Variants in CREB5 observed in about 807,000 individuals in gnomAD.
The protein encoded by CREB5 is cyclic AMP-responsive element-binding protein 5.
A neutral mutation model predicts 57.1 loss-of-function variants in CREB5; 19 were observed. That is an observed-to-expected ratio of 0.33 (90% CI 0.23 to 0.49). The LOEUF is 0.49. Ranked by LOEUF, CREB5 falls within the 20% of genes least tolerant of loss-of-function variation. The pLI is 0.99. For missense variants in CREB5, 579 were observed against 671.6 expected, an observed-to-expected ratio of 0.86 and a Z score of 1.52; for synonymous variants, 238 against 238.3, an observed-to-expected ratio of 1.00 and a Z score of 0.01.
chr7:28,813,648 G>A (rs1268773445), intron 9 of CREB5, among the ~76,000 whole-genome samples: 2 of 152,156 alleles, frequency 1.3e-5, no homozygotes, highest in East Asian at 3.8e-4. Flanking sequence ...AAAAAGCATT[G>A]TGGATTTATC....
chr7:28,332,121 G>C (rs1358119184), intron 1 of CREB5, among the ~76,000 whole-genome samples: 2 of 152,150 alleles, frequency 1.3e-5, no homozygotes, highest in African/African-American at 2.4e-5. Flanking sequence ...AGAGGAGAAG[G>C]CTACATGAAG....
At chr7:28,443,668 G>A (rs1215215079) in intron 1 of CREB5, among the ~76,000 whole-genome samples, 1 of 152,080 alleles carries the variant, frequency 6.6e-6, no homozygotes, top group Non-Finnish European at 1.5e-5. Flanking sequence ...TTGGAGGAGG[G>A]GGAGTCAACA....
intron 1 of CREB5, among the ~76,000 whole-genome samples, chr7:28,431,520 G>A (rs1307356532): frequency 6.6e-6 from 1 of 152,018 alleles, no homozygotes; most frequent in Non-Finnish European, 1.5e-5. Flanking sequence ...GCTCATGCTT[G>A]GACATTTACA....
Position 28,583,876 on chromosome 7 carries a change from C to T in CREB5, c.464+13339C>T, listed in dbSNP as rs191122164. ...TATTTTTAGTAGAGACAGGGTTTCCCCATGCTGGTCAGGCTGGTCTCGAAC... is the reference window on the plus strand; with the variant it reads ...TATTTTTAGTAGAGACAGGGTTTCCTCATGCTGGTCAGGCTGGTCTCGAAC... On this transcript the variant is annotated intron_variant, in intron 5 of 10. Transcript: ENST00000357727. Among the ~76,000 whole-genome samples the T allele has an allele frequency of 2.5e-3, 373 of 152,118 alleles. 1 individual carries two copies. The highest frequency in any genetic ancestry group is 8.4e-3 in the African/African-American group (348 of 41,484).
intron 7 of CREB5, among the ~76,000 whole-genome samples, chr7:28,784,102 G>T (rs1807160585): frequency 6.6e-6 from 1 of 152,176 alleles, no homozygotes; most frequent in African/African-American, 2.4e-5. Context: ...GTCCTGTTTG[G>T]AGCATCTTTC....
intron 1 of CREB5, among the ~76,000 whole-genome samples, chr7:28,445,764 G>T (rs1405065684): frequency 6.6e-6 from 1 of 151,622 alleles, no homozygotes; most frequent in African/African-American, 2.4e-5. Context: ...TGTTAGCCAG[G>T]ATGATCTCGA....
intron 6 of CREB5, among the ~76,000 whole-genome samples, chr7:28,722,397 T>C (rs979116515): frequency 1.1e-4 from 16 of 152,278 alleles, no homozygotes; most frequent in East Asian, 3.9e-4. Context: ...TCAAATACTA[T>C]TCCAGCTCTC....
chr7:28,425,790 A>AATGTAT (rs1788486691), intron 1 of CREB5, among the ~76,000 whole-genome samples: 1 of 152,000 alleles, frequency 6.6e-6, no homozygotes, highest in Non-Finnish European at 1.5e-5. Flanking sequence ...TCCAGCTTGC[A>AATGTAT]CCTCTCTCCT....
intron 7 of CREB5, among the ~76,000 whole-genome samples, chr7:28,763,686 A>C (rs1805788561): frequency 1.3e-5 from 2 of 152,142 alleles, no homozygotes; most frequent in Non-Finnish European, 2.9e-5. Flanking sequence ...TCCTGCCCTT[A>C]TTCTGAGGTT....
intron 1 of CREB5, among the ~76,000 whole-genome samples, chr7:28,359,782 A>G (rs894291867): frequency 2.0e-5 from 3 of 152,216 alleles, no homozygotes; most frequent in African/African-American, 7.2e-5. Flanking sequence ...GAGTAAAGAG[A>G]CAATATACAA....
At chr7:28,444,704 C>T (rs1052075495) in intron 1 of CREB5, among the ~76,000 whole-genome samples, 17 of 152,140 alleles carry the variant, frequency 1.1e-4, no homozygotes, top group East Asian at 1.9e-4. Flanking sequence ...GCTGGTCTGC[C>T]CCTGTCGGCA....
At chr7:28,577,870 C>T (rs1237211687) in intron 5 of CREB5, among the ~76,000 whole-genome samples, 2 of 152,274 alleles carry the variant, frequency 1.3e-5, no homozygotes, top group Admixed American at 1.3e-4. Context: ...GTATAGCTTC[C>T]TCTCTTGAAG....
intron 5 of CREB5, among the ~76,000 whole-genome samples, chr7:28,610,227 G>GGT (rs1288379885): frequency 6.6e-6 from 1 of 152,130 alleles, no homozygotes; most frequent in Non-Finnish European, 1.5e-5. Context: ...CTGCCAGCTG[G>GGT]GTGAACAGTG....
rs1297878960 is a variant in CREB5, at chr7:28,658,957, A to ATATATATATATATATATATGTGTGTG, written c.465-59777_465-59776insGTGTGTGTATATATATATATATATAT. 2.7e-4 allele frequency among the ~76,000 whole-genome samples: 30 copies of ATATATATATATATATATATGTGTGTG among 111,790 alleles called. 3 individuals are homozygous for ATATATATATATATATATATGTGTGTG. In the East Asian group the frequency reaches 6.8e-3, roughly 25 times the overall value. 73.3% of individuals were successfully genotyped at this position (111,790 alleles called of 152,430 possible). On this transcript the variant is annotated intron_variant, in intron 5 of 10. Coordinates refer to ENST00000357727, the MANE Select transcript of CREB5 (RefSeq NM_182898.4). ...AAATATTATATGTGTGTGTGTGTATATATATATATATATATATATATATGT... is the reference window on the plus strand; with the variant it reads ...AAATATTATATGTGTGTGTGTGTATATATATATATATATATATATGTGTGTGTATATATATATATATATATATATGT...
At chr7:28,621,563 CTTGTT>C (rs1326838794) in intron 5 of CREB5, among the ~76,000 whole-genome samples, 24 of 152,090 alleles carry the variant, frequency 1.6e-4, no homozygotes, top group African/African-American at 5.1e-4. Flanking sequence ...TTTATTTTGT[CTTGTT>C]TTGTTTTACA....
At chr7:28,381,494 A>C (rs1786966394) in intron 1 of CREB5, among the ~76,000 whole-genome samples, 1 of 152,206 alleles carries the variant, frequency 6.6e-6, no homozygotes, top group African/African-American at 2.4e-5. Flanking sequence ...TTGATTTCTC[A>C]TAGGGTTGGC....
At chr7:28,365,596 G>A (rs1786570646) in intron 1 of CREB5, among the ~76,000 whole-genome samples, 1 of 152,016 alleles carries the variant, frequency 6.6e-6, no homozygotes, top group South Asian at 2.1e-4. Context: ...ATTGAAAGTT[G>A]TTCTTACTTG....
upstream of CREB5, among the ~76,000 whole-genome samples, chr7:28,411,075 T>C (rs1787775970): frequency 6.6e-6 from 1 of 152,158 alleles, no homozygotes; most frequent in Non-Finnish European, 1.5e-5. Context: ...CAGCGCGCAA[T>C]CCGCCCTTTT....
intron 9 of CREB5, among the ~76,000 whole-genome samples, chr7:28,810,522 G>C (rs559812366): frequency 2.6e-5 from 4 of 151,946 alleles, no homozygotes; most frequent in African/African-American, 9.7e-5. Context: ...CAGAAACCCC[G>C]TCTCTACTAA....
Sources: allele counts gnomAD v4.1 joint callset (sites outside exome capture counted in the v4.1 genomes callset), GRCh38; gene constraint gnomAD v4.1.1; transcripts MANE v1.5; gene names NCBI Gene and HGNC (gene_info 2026-07-23, HGNC 2026-07-21).